TXK: variants seen among roughly 807,000 people sequenced by gnomAD.
The protein encoded by TXK is TXK tyrosine kinase.
In TXK, 60 loss-of-function variants were observed where a neutral mutation model predicts 81.0. The observed-to-expected ratio is 0.74, with a 90% CI of 0.60 to 0.92. The LOEUF is 0.92. Ranked by LOEUF, TXK falls within the 40% of genes least tolerant of loss-of-function variation. The pLI is 0.00. For synonymous variants in TXK, 203 were observed against 210.7 expected (o/e 0.96, Z 0.32); for missense variants, 581 against 638.3 (o/e 0.91, Z 0.97).
intron 1 of TXK, among the ~76,000 whole-genome samples, chr4:48,117,907 G>A (rs142784399): frequency 5.7e-4 from 87 of 152,186 alleles, no homozygotes; most frequent in African/African-American, 2.0e-3. Flanking sequence ...AAGGTATTTG[G>A]GGACCATTGA....
At chr4:48,123,977 C>T (rs1399771415) in intron 1 of TXK, among the ~76,000 whole-genome samples, 1 of 152,160 alleles carries the variant, frequency 6.6e-6, no homozygotes, top group Non-Finnish European at 1.5e-5. Context: ...ACTTCCATTG[C>T]AATACACTCC....
chr4:48,129,649 CT>C (rs1307913631), intron 1 of TXK, among the ~76,000 whole-genome samples: 1 of 152,180 alleles, frequency 6.6e-6, no homozygotes, highest in Non-Finnish European at 1.5e-5. Flanking sequence ...TGTTTCCCAG[CT>C]TCTGCCAGGG....
chr4:48,131,588 G>T (rs975150257), intron 1 of TXK, among the ~76,000 whole-genome samples: 1 of 152,156 alleles, frequency 6.6e-6, no homozygotes, highest in African/African-American at 2.4e-5. Flanking sequence ...GACAACAGGT[G>T]ATTCTTACCA....
Position 48,079,898 on chromosome 4 carries a change from T to C in TXK, c.1173+14A>G, listed in dbSNP as rs1430319596. On this transcript the variant is annotated intron_variant, in intron 11 of 14. Coordinates refer to ENST00000264316, the MANE Select transcript of TXK (RefSeq NM_003328.3). ...ATGATACAAAAAAAAAAAGTAAATT[T>C]GCACCATACTTACCAAATCCCTATG... 6.3e-7 allele frequency: 1 copy of C among 1,595,992 alleles called. No homozygotes were observed. Among genetic ancestry groups the C allele is most frequent in the Non-Finnish European group, 8.6e-7 (1 of 1,165,256 alleles).
At chr4:48,070,012 T>C (rs533000865) in intron 14 of TXK, among the ~76,000 whole-genome samples, 8 of 152,374 alleles carry the variant, frequency 5.3e-5, no homozygotes, top group African/African-American at 1.7e-4. Context: ...AATATTTTCA[T>C]ACATTGGGGC....
At chr4:48,068,313 C>T (rs1716688834) in intron 14 of TXK, among the ~76,000 whole-genome samples, 1 of 152,102 alleles carries the variant, frequency 6.6e-6, no homozygotes, top group African/African-American at 2.4e-5. Flanking sequence ...GGAGAAGGGG[C>T]ATCTAGCATA....
At chr4:48,071,147 G>A (rs571251485) in intron 14 of TXK, among the ~76,000 whole-genome samples, 4 of 150,684 alleles carry the variant, frequency 2.7e-5, no homozygotes, top group East Asian at 4.0e-4. Context: ...TGATCCACCC[G>A]CCTCGGCCTC....
At chr4:48,067,790 G>T in intron 14 of TXK, 85 bp from the exon 15 acceptor site, 1 of 1,304,476 alleles carries the variant, frequency 7.7e-7, no homozygotes, top group Non-Finnish European at 1.1e-6. Flanking sequence ...GCATGTGGGA[G>T]TCACTTATAT....
intron 1 of TXK, among the ~76,000 whole-genome samples, chr4:48,115,522 T>G (rs915283167): frequency 1.3e-5 from 2 of 152,170 alleles, no homozygotes; most frequent in African/African-American, 4.8e-5. Context: ...AAGCTTCATC[T>G]TTATTGAAGT....
At chr4:48,124,227 C>G (rs1047773804) in intron 1 of TXK, among the ~76,000 whole-genome samples, 1 of 152,130 alleles carries the variant, frequency 6.6e-6, no homozygotes, top group African/African-American at 2.4e-5. Flanking sequence ...TAGGGCATCT[C>G]TGGCCTTTAT....
At chr4:48,095,345 T>C (rs1020480181) in intron 6 of TXK, 123 bp from the exon 7 acceptor site, 6 of 652,746 alleles carry the variant, frequency 9.2e-6, no homozygotes, top group Non-Finnish European at 1.3e-5. Flanking sequence ...ATATTATTAA[T>C]ATGAAGAATT....
In TXK at chr4:48,114,370, A is replaced by G. The variant is rs1210914730; in HGVS notation, c.49T>C (p.Cys17Arg). ...TACCGCTTCTGCACTGAACAGCAAC[A>G]GCAGCAACAGAAAACCGACTGGATG... is the stretch of plus-strand genomic sequence containing the variant. ...NTIQSVFCCC[C>R]CCSVQKRQMR... is the part of the protein sequence containing the mutation. The change falls in exon 2 of 15, where the codon TGT (cysteine) becomes CGT (arginine). Residue 17 changes from cysteine (C) to arginine (R), a missense_variant. Transcript: ENST00000264316. 15 of 1,614,016 alleles carry G rather than the reference A, an allele frequency of 9.3e-6. No individual in the cohort carries two copies. The highest frequency in any genetic ancestry group is 1.3e-5 in the Non-Finnish European group (15 of 1,180,002).
chr4:48,128,629 G>A (rs551401930), intron 1 of TXK, among the ~76,000 whole-genome samples: 1 of 132,212 alleles, frequency 7.6e-6, no homozygotes, highest in Non-Finnish European at 1.5e-5. Flanking sequence ...GTGGTGGCAC[G>A]ATCTCAGCTC....
intron 5 of TXK, among the ~76,000 whole-genome samples, chr4:48,109,008 A>T (rs1371128402): frequency 6.6e-6 from 1 of 152,168 alleles, no homozygotes; most frequent in Non-Finnish European, 1.5e-5. Context: ...ATATGAAAAA[A>T]AGTCTCATTT....
intron 6 of TXK, 34 bp downstream of exon 6, chr4:48,104,867 G>T: frequency 6.5e-7 from 1 of 1,544,634 alleles, no homozygotes; most frequent in Non-Finnish European, 8.8e-7. Flanking sequence ...ACTTCTCAGA[G>T]ATTTTGAAAA....
In TXK at chr4:48,104,956, C is replaced by G; in HGVS notation, c.447-1G>C. ...TCTGGTAATGTTTCTATGGTACCAC[C>G]TGTAAAAGCAATAAAAATGATTTTT... is the stretch of plus-strand genomic sequence containing the variant. On this transcript the variant is annotated splice_acceptor_variant, in intron 5 of 14. Coordinates refer to ENST00000264316, the MANE Select transcript of TXK (RefSeq NM_003328.3). LOFTEE classifies it high-confidence loss of function. 6.3e-7 allele frequency: 1 copy of G among 1,577,692 alleles called. No homozygotes were observed. The highest frequency in any genetic ancestry group is 8.6e-7 in the Non-Finnish European group (1 of 1,162,670).
At chr4:48,092,968 G>A (rs902521185) in intron 8 of TXK, among the ~76,000 whole-genome samples, 2 of 152,316 alleles carry the variant, frequency 1.3e-5, no homozygotes, top group East Asian at 3.9e-4. Flanking sequence ...GATGCTCACC[G>A]TGACTCTAAC....
chr4:48,086,391 T>C, intron 10 of TXK, 75 bp downstream of exon 10: 1 of 1,484,700 alleles, frequency 6.7e-7, no homozygotes, highest in African/African-American at 1.4e-5. Context: ...CAGGTGTGGC[T>C]GCCTCCAAAG....
At chr4:48,085,232 G>A (rs1048715844) in intron 10 of TXK, among the ~76,000 whole-genome samples, 2 of 152,022 alleles carry the variant, frequency 1.3e-5, no homozygotes, top group Admixed American at 6.6e-5. Flanking sequence ...TGTGTCCAAT[G>A]GTCTACAAAG....
Sources: gnomAD v4.1 joint callset for allele counts (sites outside exome capture counted in the v4.1 genomes callset) on GRCh38, gnomAD v4.1.1 for gene constraint, MANE v1.5 for transcripts, NCBI Gene and HGNC (gene_info 2026-07-23, HGNC 2026-07-21) for gene names.